THADA: variants seen among roughly 807,000 people sequenced by gnomAD.
THADA encodes THADA armadillo repeat containing.
Under a neutral mutation model 219.8 loss-of-function variants are expected in THADA, and 213 were observed. The observed-to-expected ratio is 0.97, with a 90% CI of 0.87 to 1.09. THADA has a LOEUF of 1.09. THADA is among the 50% of genes least tolerant of loss of function. The probability of loss-of-function intolerance (pLI) is 0.00; values close to 1 mark genes in which losing one functional copy is unlikely to be tolerated. For synonymous variants in THADA, 1,018 were observed against 828.9 expected, an observed-to-expected ratio of 1.23 and a Z score of -3.92; for missense variants, 2,956 against 2,311.3, an observed-to-expected ratio of 1.28 and a Z score of -5.72.
chr2:43,380,003 C>T lies in THADA; in HGVS notation c.4227+17968G>A, dbSNP rs376096661. Among the ~76,000 whole-genome samples, 4 of 152,188 alleles carry T rather than the reference C, an allele frequency of 2.6e-5. No individual in the cohort carries two copies. The South Asian group carries it at 8.3e-4, about 31-fold the overall frequency. ...GGGCAAAACCACTGGATGGAAAAATCAGTGGTTGCCAGAGTTTTGTGGAGA... is the reference window on the plus strand; with the variant it reads ...GGGCAAAACCACTGGATGGAAAAATTAGTGGTTGCCAGAGTTTTGTGGAGA... On this transcript the variant is annotated intron_variant, in intron 29 of 37. Transcript: ENST00000405975.
intron 31 of THADA, among the ~76,000 whole-genome samples, chr2:43,298,084 C>T (rs1260955914): frequency 9.6e-6 from 1 of 104,214 alleles, no homozygotes; most frequent in East Asian, 2.2e-4. Flanking sequence ...GCCACCACCC[C>T]GTCTGGGAGG....
chr2:43,248,156 TATATATATAGAGAGAGAG>T lies in THADA; in HGVS notation c.5297-15292_5297-15275del, dbSNP rs1361489295. ...ATATATATATATATATATATATATATATATATATAGAGAGAGAGAGAGAGAGAGAGAGAGAGAGAGAGA... is the reference window on the plus strand; with the variant it reads ...ATATATATATATATATATATATATATAGAGAGAGAGAGAGAGAGAGAGAGA... On this transcript the variant is annotated intron_variant, in intron 36 of 37. Transcript: ENST00000405975. Among the ~76,000 whole-genome samples, 593 of 75,800 alleles carry T rather than the reference TATATATATAGAGAGAGAG, an allele frequency of 7.8e-3. 1 individual carries two copies. The highest frequency in any genetic ancestry group is 0.013 in the South Asian group (26 of 2,060). The allele number at this position is 75,800 out of a possible 152,430, so 49.7% of individuals were successfully genotyped here.
chr2:43,270,720 C>A (rs1225824223), intron 36 of THADA, among the ~76,000 whole-genome samples: 2 of 152,084 alleles, frequency 1.3e-5, no homozygotes, highest in Admixed American at 1.3e-4. Flanking sequence ...TATAGTAGGT[C>A]CCTATAATCC....
chr2:43,458,668 G>A (rs1683291018), intron 26 of THADA, among the ~76,000 whole-genome samples: 1 of 151,898 alleles, frequency 6.6e-6, no homozygotes, highest in Non-Finnish European at 1.5e-5. Flanking sequence ...ACAAATATCA[G>A]ACCACATGCC....
At chr2:43,311,907 C>T (rs1387550114) in intron 31 of THADA, among the ~76,000 whole-genome samples, 1 of 152,128 alleles carries the variant, frequency 6.6e-6, no homozygotes, top group African/African-American at 2.4e-5. Context: ...AACACTGAAA[C>T]CACAGATGTG....
chr2:43,242,518 G>A (rs1010222752), intron 36 of THADA, among the ~76,000 whole-genome samples: 1 of 152,006 alleles, frequency 6.6e-6, no homozygotes, highest in Non-Finnish European at 1.5e-5. Flanking sequence ...TGCAGACAAG[G>A]TCTGGCTCTG....
At position 43,231,086 on chromosome 2, in the gene THADA, C is replaced by T; in HGVS notation, c.5724G>A (p.Glu1908=). The T allele has an allele frequency of 6.2e-7, 1 of 1,613,972 alleles. No homozygotes were observed. The highest frequency in any genetic ancestry group is 8.5e-7 in the Non-Finnish European group (1 of 1,179,868). The part of the protein sequence containing the change: ...TVEFTRLRIQ[E]ERTLACLRLL... ...GCCTCAAGCAAGCCAAAGTCCTTTC[C>T]TCTTGAATGCGTAGTCTTGTGAACT... Residue 1908 remains glutamate (E), a synonymous_variant, in exon 38 of 38, where the codon GAG becomes GAA. Transcript: ENST00000405975.
chr2:43,559,716 G>T (rs1697832045), intron 16 of THADA, among the ~76,000 whole-genome samples: 1 of 152,208 alleles, frequency 6.6e-6, no homozygotes, highest in Admixed American at 6.5e-5. Context: ...TGGGGATGAG[G>T]TAGAGCACTA....
intron 34 of THADA, among the ~76,000 whole-genome samples, chr2:43,291,089 C>A (rs1165095810): frequency 6.6e-6 from 1 of 151,878 alleles, no homozygotes; most frequent in Non-Finnish European, 1.5e-5. Context: ...GGGGAAAAAA[C>A]AAGGGGTTTG....
At position 43,243,492 on chromosome 2, in the gene THADA, G is replaced by A. The variant is rs533027647; in HGVS notation, c.5297-10610C>T. On this transcript the variant is annotated intron_variant, in intron 36 of 37. Coordinates refer to ENST00000405975, the MANE Select transcript of THADA (RefSeq NM_022065.5). ...TCACACAACCGCAAACAGTCCCTTC[G>A]TGAACGTCTCTGTGAGTGCTCAGTC... Among the ~76,000 whole-genome samples, 27 of 152,256 alleles carry A rather than the reference G, an allele frequency of 1.8e-4. No homozygotes were observed. In the South Asian group the frequency reaches 4.6e-3, roughly 26 times the overall value.
chr2:43,533,508 G>A (rs992822311), intron 21 of THADA, among the ~76,000 whole-genome samples: 42 of 152,280 alleles, frequency 2.8e-4, no homozygotes, highest in African/African-American at 7.9e-4. Flanking sequence ...ATCAATGATA[G>A]ACTGGCTAAA....
chr2:43,476,843 A>G (rs1164692027), intron 26 of THADA, among the ~76,000 whole-genome samples: 1 of 152,192 alleles, frequency 6.6e-6, no homozygotes, highest in Non-Finnish European at 1.5e-5. Flanking sequence ...TCATTGGGAA[A>G]ATGGAAATTA....
chr2:43,562,155 A>G (rs1277059359), intron 15 of THADA: 1 of 152,162 alleles, frequency 6.6e-6, no homozygotes, highest in Non-Finnish European at 1.5e-5. Context: ...CTAGTATTCT[A>G]TTGAGGGTTT....
chr2:43,327,255 T>C lies in THADA; in HGVS notation c.4344-6715A>G, dbSNP rs544825991. Reference sequence around the variant, plus strand: ...GGGGTAGTTCTCTTATCTTAGCTCCTATTTAAGCAGCTCAGATCACTTCTG... The same window carrying C: ...GGGGTAGTTCTCTTATCTTAGCTCCCATTTAAGCAGCTCAGATCACTTCTG... On this transcript the variant is annotated intron_variant, in intron 30 of 37. Coordinates refer to ENST00000405975, the MANE Select transcript of THADA (RefSeq NM_022065.5). Among the ~76,000 whole-genome samples, 360 of 152,264 alleles carry C rather than the reference T, an allele frequency of 2.4e-3. 2 individuals carry two copies. Among genetic ancestry groups the C allele is most frequent in the Middle Eastern group, 6.8e-3 (2 of 294 alleles).
intron 26 of THADA, among the ~76,000 whole-genome samples, chr2:43,435,101 G>A (rs1373671570): frequency 6.6e-5 from 10 of 152,198 alleles, no homozygotes; most frequent in African/African-American, 2.4e-4. Flanking sequence ...AACTTTTCCT[G>A]TTTCACTACT....
intron 36 of THADA, among the ~76,000 whole-genome samples, chr2:43,236,551 G>C (rs1668051853): frequency 6.6e-6 from 1 of 152,328 alleles, no homozygotes. Context: ...CAAGCAACAA[G>C]TGTGTTTTAA....
chr2:43,551,024 T>A (rs1234159634), intron 19 of THADA, among the ~76,000 whole-genome samples: 1 of 152,226 alleles, frequency 6.6e-6, no homozygotes, highest in Non-Finnish European at 1.5e-5. Context: ...TGTCTTACTA[T>A]CGTGAACCAT....
chr2:43,383,367 G>A (rs149779803), intron 29 of THADA, among the ~76,000 whole-genome samples: 12 of 152,210 alleles, frequency 7.9e-5, no homozygotes, highest in East Asian at 3.9e-4. Context: ...AAAGAATTAC[G>A]TGACAGCTAG....
At chr2:43,533,734 C>A (rs993461303) in intron 21 of THADA, among the ~76,000 whole-genome samples, 10 of 152,024 alleles carry the variant, frequency 6.6e-5, no homozygotes, top group Non-Finnish European at 1.3e-4. Flanking sequence ...ACATCAGGGC[C>A]TGTCGTTGGG....
Sources: gnomAD v4.1 joint callset for allele counts (sites outside exome capture counted in the v4.1 genomes callset) on GRCh38, gnomAD v4.1.1 for gene constraint, MANE v1.5 for transcripts, NCBI Gene and HGNC (gene_info 2026-07-23, HGNC 2026-07-21) for gene names.